Variants in CPM observed in about 807,000 individuals in gnomAD.
CPM encodes the protein renal carboxypeptidase.
CPM carries 35 observed loss-of-function variants against 46.4 expected under a neutral mutation model. The ratio of observed to expected loss-of-function variants is 0.75; its 90% confidence interval spans 0.58 to 1.00. CPM has a LOEUF of 1.00. CPM is among the 50% of genes least tolerant of loss of function. The pLI is 0.00. For synonymous variants in CPM, 195 were observed against 195.3 expected, an observed-to-expected ratio of 1.00 and a Z score of 0.01; for missense variants, 422 against 530.4, an observed-to-expected ratio of 0.80 and a Z score of 2.01.
At chr12:68,858,866 A>C (rs557485424) in intron 8 of CPM, 57 bp downstream of exon 8, 27 of 1,122,602 alleles carry the variant, frequency 2.4e-5, no homozygotes, top group Non-Finnish European at 3.2e-5. Context: ...TTCTGGGTGA[A>C]TAAGTATTAT....
intron 3 of CPM, among the ~76,000 whole-genome samples, chr12:68,872,940 G>A (rs1193898966): frequency 6.6e-6 from 1 of 152,178 alleles, no homozygotes; most frequent in African/African-American, 2.4e-5. Context: ...CTGAAGGCCT[G>A]TGAGAGAACT....
chr12:68,888,388 C>T (rs1886521492), intron 2 of CPM, among the ~76,000 whole-genome samples: 1 of 152,106 alleles, frequency 6.6e-6, no homozygotes, highest in African/African-American at 2.4e-5. Context: ...AAGTGAACTG[C>T]AAGATAAGAA....
At chr12:68,918,745 C>T (rs1887916881) in intron 2 of CPM, among the ~76,000 whole-genome samples, 1 of 152,128 alleles carries the variant, frequency 6.6e-6, no homozygotes, top group Non-Finnish European at 1.5e-5. Context: ...GCATCTTAAT[C>T]CAAATCACCA....
At position 68,869,319 on chromosome 12, in the gene CPM, A is replaced by T; in HGVS notation, c.787+6T>A. ...AGGAGAATGGAAGAAATGAAGAGAA[A>T]CTCACCTTGGAGTGGATACCAAGAG... On this transcript the variant is annotated splice_donor_region_variant and intron_variant, in intron 6 of 8. Coordinates refer to ENST00000551568, the MANE Select transcript of CPM (RefSeq NM_198320.5). 2 of 1,609,102 alleles carry T rather than the reference A, an allele frequency of 1.2e-6. No homozygotes were observed. The highest frequency in any genetic ancestry group is 1.7e-6 in the Non-Finnish European group (2 of 1,178,832).
At chr12:68,913,509 A>C (rs998394184) in intron 2 of CPM, among the ~76,000 whole-genome samples, 5 of 152,106 alleles carry the variant, frequency 3.3e-5, no homozygotes, top group African/African-American at 1.2e-4. Context: ...GATATATAGA[A>C]TATATTTAAT....
chr12:68,943,242 A>T (rs1049878069), intron 1 of CPM, among the ~76,000 whole-genome samples: 7 of 152,298 alleles, frequency 4.6e-5, no homozygotes, highest in Non-Finnish European at 7.3e-5. Context: ...CTTTTCTGTA[A>T]ACTGGGCTAA....
At chr12:68,893,073 A>G (rs1308330156) in intron 2 of CPM, among the ~76,000 whole-genome samples, 1 of 150,882 alleles carries the variant, frequency 6.6e-6, no homozygotes, top group African/African-American at 2.4e-5. Flanking sequence ...ACCATGGCAC[A>G]TGTATACCTA....
At chr12:68,946,397 G>C (rs1888848450) in intron 1 of CPM, among the ~76,000 whole-genome samples, 1 of 151,992 alleles carries the variant, frequency 6.6e-6, no homozygotes, top group Non-Finnish European at 1.5e-5. Context: ...TTTTAATAAG[G>C]AATCTCAGAT....
chr12:68,952,794 T>C lies in CPM; in HGVS notation c.-4+10375A>G, dbSNP rs368798471. Reference sequence around the variant, plus strand: ...ATGATTCCATGGAGGTTTCATTTTGTTGATTGGTTCTGCAGATGTCTTTGA... The same window carrying C: ...ATGATTCCATGGAGGTTTCATTTTGCTGATTGGTTCTGCAGATGTCTTTGA... On this transcript the variant is annotated intron_variant, in intron 1 of 8. Coordinates refer to the CPM transcript ENST00000546373. Among the ~76,000 whole-genome samples, 39 of 152,342 alleles carry C rather than the reference T, an allele frequency of 2.6e-4. No homozygotes were observed. In the East Asian group the frequency reaches 4.8e-3, roughly 19 times the overall value.
intron 1 of CPM, among the ~76,000 whole-genome samples, chr12:68,953,567 T>A (rs1888969380): frequency 6.6e-6 from 1 of 152,228 alleles, no homozygotes; most frequent in South Asian, 2.1e-4. Context: ...CATTTATTCA[T>A]TCACAAACAT....
rs1459653542 is a variant in CPM at position 68,866,905 on chromosome 12, C to A, written c.931G>T (p.Val311Leu). ...KASLIEYIKQ[V>L]HLGVKGQVFD... ...AGAAAATTTTACAAACCTAGGTGCACCTGCTTTATATATTCAATTAATGAG... is the reference window on the plus strand; with the variant it reads ...AGAAAATTTTACAAACCTAGGTGCAACTGCTTTATATATTCAATTAATGAG... The change falls in exon 7 of 9, where the codon GTG (valine) becomes TTG (leucine). Residue 311 changes from valine (V) to leucine (L), a missense_variant. Coordinates refer to ENST00000551568, the MANE Select transcript of CPM (RefSeq NM_198320.5). 2 of 1,611,950 alleles carry A rather than the reference C, an allele frequency of 1.2e-6. No homozygotes were observed. Among genetic ancestry groups the A allele is most frequent in the Non-Finnish European group, 1.7e-6 (2 of 1,179,374 alleles).
At chr12:68,937,548 A>C (rs1454641510), upstream of CPM, among the ~76,000 whole-genome samples, 22 of 152,212 alleles carry the variant, frequency 1.4e-4, no homozygotes, top group Admixed American at 1.4e-3. Flanking sequence ...TAGCTGTACA[A>C]TTAATTGTTT....
chr12:68,858,733 G>GTT (rs59714966), intron 8 of CPM, among the ~76,000 whole-genome samples, 190 bp downstream of exon 8: 94 of 96,824 alleles, frequency 9.7e-4, no homozygotes, highest in Non-Finnish European at 1.7e-3. Context: ...AATTTTTGTG[G>GTT]TTTTTTTTTT....
Position 68,843,641 on chromosome 12 carries a change from A to C in CPM, c.534-1312T>G, listed in dbSNP as rs140856009. 1.7e-3 allele frequency: 394 copies of C among 226,056 alleles called. 4 individuals carry two copies. The highest frequency in any genetic ancestry group is 8.3e-3 in the African/African-American group (371 of 44,962). The allele number at this position is 226,056 out of a possible 1,614,324, so 14.0% of individuals were successfully genotyped here. On this transcript the variant is annotated intron_variant, in intron 5 of 5. Coordinates refer to the CPM transcript ENST00000551897. ...AAATCAACTGAACTGTAAGCTTAGA[A>C]TAGGACTGAGGTAATTCTGCACAGC...
chr12:68,858,613 C>T (rs763611181), intron 8 of CPM, among the ~76,000 whole-genome samples: 4 of 151,990 alleles, frequency 2.6e-5, no homozygotes, highest in Non-Finnish European at 5.9e-5. Context: ...ACCTTTGCTA[C>T]ATTGCTTATT....
At chr12:68,924,684 C>T (rs1403295780) in intron 2 of CPM, among the ~76,000 whole-genome samples, 1 of 152,114 alleles carries the variant, frequency 6.6e-6, no homozygotes, top group African/African-American at 2.4e-5. Flanking sequence ...CATATTCATC[C>T]TCAATATGTC....
At chr12:68,933,440 A>C (rs1407714634), upstream of CPM, among the ~76,000 whole-genome samples, 3 of 152,062 alleles carry the variant, frequency 2.0e-5, no homozygotes, top group Non-Finnish European at 2.9e-5. Context: ...CTGGAGCCCC[A>C]GGTCAGAAGT....
chr12:68,867,488 G>T (rs1190622559), intron 6 of CPM, among the ~76,000 whole-genome samples: 1 of 152,106 alleles, frequency 6.6e-6, no homozygotes, highest in Non-Finnish European at 1.5e-5. Context: ...TAATTTGGGG[G>T]AATCATGGGC....
At chr12:68,880,140 G>C (rs940307328) in intron 3 of CPM, among the ~76,000 whole-genome samples, 2 of 151,996 alleles carry the variant, frequency 1.3e-5, no homozygotes, top group Admixed American at 1.3e-4. Context: ...TATGCCAAGT[G>C]ATGCCAATTA....
Sources: gnomAD v4.1 joint callset for allele counts (sites outside exome capture counted in the v4.1 genomes callset) on GRCh38, gnomAD v4.1.1 for gene constraint, MANE v1.5 for transcripts, NCBI Gene and HGNC (gene_info 2026-07-23, HGNC 2026-07-21) for gene names.